CTNNA1: variants seen among roughly 807,000 people sequenced by gnomAD.
CTNNA1 encodes the protein catenin alpha-1.
In CTNNA1, 37 loss-of-function variants were observed where a neutral mutation model predicts 98.4. The observed-to-expected ratio is 0.38, with a 90% CI of 0.29 to 0.49. The LOEUF is 0.49. Ranked by LOEUF, CTNNA1 falls within the 20% of genes least tolerant of loss-of-function variation. The pLI is 0.95. For synonymous variants in CTNNA1, 404 were observed against 413.2 expected (o/e 0.98, Z 0.27); for missense variants, 761 against 1,147.2 (o/e 0.66, Z 4.86).
chr5:138,787,138 T>C (rs1755797112), intron 3 of CTNNA1, among the ~76,000 whole-genome samples: 1 of 152,188 alleles, frequency 6.6e-6, no homozygotes, highest in African/African-American at 2.4e-5. Flanking sequence ...TTTCTGATCA[T>C]AAGGGCTCTG....
intron 11 of CTNNA1, among the ~76,000 whole-genome samples, chr5:138,924,015 C>T (rs899276343): frequency 2.0e-5 from 3 of 152,252 alleles, no homozygotes; most frequent in Non-Finnish European, 4.4e-5. Flanking sequence ...ACCTGCTTTC[C>T]AGCACCTTCT....
intron 7 of CTNNA1, among the ~76,000 whole-genome samples, chr5:138,841,875 C>T (rs779815233): frequency 3.2e-4 from 48 of 152,200 alleles, no homozygotes; most frequent in Non-Finnish European, 5.1e-4. Context: ...TCAAGGCTTC[C>T]TTAAGGGCTA....
At chr5:138,851,979 A>C (rs1014161213) in intron 7 of CTNNA1, among the ~76,000 whole-genome samples, 1 of 152,076 alleles carries the variant, frequency 6.6e-6, no homozygotes, top group Non-Finnish European at 1.5e-5. Flanking sequence ...CTGAGGCAGG[A>C]GAATTGCTTG....
At chr5:138,779,356 T>C (rs1391201345) in intron 1 of CTNNA1, among the ~76,000 whole-genome samples, 1 of 152,216 alleles carries the variant, frequency 6.6e-6, no homozygotes, top group East Asian at 1.9e-4. Flanking sequence ...TATTTAATTA[T>C]TTAGTTACAG....
rs1751122278 is a variant in CTNNA1, at chr5:138,874,784, T to G, written c.1063-11428T>G. 2.0e-6 allele frequency: 2 copies of G among 979,036 alleles called. No homozygotes were observed. Among genetic ancestry groups the G allele is most frequent in the Non-Finnish European group, 3.1e-6 (2 of 638,560 alleles). The allele number at this position is 979,036 out of a possible 1,614,324, so 60.6% of individuals were successfully genotyped here. ...GTCTCTGTCATCATCGATATATGCT[T>G]TTACCTAAACCTCAAAATCCAAAAT... On this transcript the variant is annotated intron_variant, in intron 7 of 17. Transcript: ENST00000302763. This position sits in a 1 kb window ranked among gnomAD's most constrained non-coding sequence, Gnocchi z 4.1.
chr5:138,792,857 A>C (rs1169795911), intron 3 of CTNNA1, among the ~76,000 whole-genome samples: 1 of 152,240 alleles, frequency 6.6e-6, no homozygotes, highest in Non-Finnish European at 1.5e-5. Flanking sequence ...AGATTAGTAC[A>C]ATAACTTTAT....
At chr5:138,898,632 T>C (rs1484403065) in intron 9 of CTNNA1, among the ~76,000 whole-genome samples, 1 of 152,106 alleles carries the variant, frequency 6.6e-6, no homozygotes, top group Non-Finnish European at 1.5e-5. Context: ...TCCTAAAGCT[T>C]TACTACGACA....
intron 14 of CTNNA1, among the ~76,000 whole-genome samples, chr5:138,930,180 G>C (rs928301343): frequency 6.6e-6 from 1 of 152,166 alleles, no homozygotes; most frequent in African/African-American, 2.4e-5. Flanking sequence ...ATATTAATAA[G>C]AATTAAGCAG....
Position 138,873,675 on chromosome 5 carries a change from T to C in CTNNA1, c.1063-12537T>C, listed in dbSNP as rs762694769. ...GTGAGGGATCTCAGGGAGTTTAAGA[T>C]CTTGGAATCAAGGCTGTTTAACTTG... On this transcript the variant is annotated intron_variant, in intron 7 of 17. Coordinates refer to ENST00000302763, the MANE Select transcript of CTNNA1 (RefSeq NM_001903.5). This position sits in a 1 kb window ranked among gnomAD's most constrained non-coding sequence, Gnocchi z 6.1. 3.7e-6 allele frequency: 6 copies of C among 1,614,040 alleles called. No homozygotes were observed. In the East Asian group the frequency reaches 1.1e-4, roughly 30 times the overall value.
At chr5:138,871,165 G>A (rs1750556494) in intron 7 of CTNNA1, 1 of 152,126 alleles carries the variant, frequency 6.6e-6, no homozygotes, top group Admixed American at 6.5e-5. Context: ...TTGATCCTGG[G>A]AAGAAAAAAT....
chr5:138,894,128 A>G (rs1756157914), intron 9 of CTNNA1, among the ~76,000 whole-genome samples: 1 of 152,018 alleles, frequency 6.6e-6, no homozygotes, highest in Non-Finnish European at 1.5e-5. Context: ...CATGTTGGCC[A>G]GGCTGGTCTC....
chr5:138,780,213 C>T (rs927919462), intron 1 of CTNNA1, among the ~76,000 whole-genome samples: 3 of 151,612 alleles, frequency 2.0e-5, no homozygotes, highest in South Asian at 2.1e-4. Flanking sequence ...TTTTTTGAGA[C>T]GGAGTCTTGC....
Position 138,781,293 on chromosome 5 carries a change from A to G in CTNNA1, c.-2-630A>G, listed in dbSNP as rs148280381. Reference sequence around the variant, plus strand: ...TGGCCGGGTGCGGTGGCTCACGCCTATAATCCCAGCACTTTGGGAGGCCGA... The same window carrying G: ...TGGCCGGGTGCGGTGGCTCACGCCTGTAATCCCAGCACTTTGGGAGGCCGA... On this transcript the variant is annotated intron_variant, in intron 1 of 17. Coordinates refer to ENST00000302763, the MANE Select transcript of CTNNA1 (RefSeq NM_001903.5). Among the ~76,000 whole-genome samples, 217 of 152,232 alleles carry G rather than the reference A, an allele frequency of 1.4e-3. 1 individual carries two copies. Among genetic ancestry groups the G allele is most frequent in the African/African-American group, 4.7e-3 (197 of 41,550 alleles).
At chr5:138,930,761 T>A in intron 15 of CTNNA1, 69 bp from the exon 16 acceptor site, 1 of 1,522,912 alleles carries the variant, frequency 6.6e-7, no homozygotes, top group Non-Finnish European at 9.1e-7. Flanking sequence ...TTGTGGACAA[T>A]CTTCTTTTTC....
At chr5:138,777,797 A>AG (rs1754524013) in intron 1 of CTNNA1, among the ~76,000 whole-genome samples, 1 of 149,546 alleles carries the variant, frequency 6.7e-6, no homozygotes, top group Non-Finnish European at 1.5e-5. Context: ...CAGCGAGCTG[A>AG]GATGGCAGCA....
chr5:138,872,830 C>A, intron 7 of CTNNA1: 1 of 496,210 alleles, frequency 2.0e-6, no homozygotes. Context: ...ATTCATTTAA[C>A]ACTTAAAATA....
At chr5:138,792,990 A>T (rs1384583577) in intron 3 of CTNNA1, among the ~76,000 whole-genome samples, 2 of 151,402 alleles carry the variant, frequency 1.3e-5, no homozygotes, top group Non-Finnish European at 2.9e-5. Flanking sequence ...TTCTCCTCTT[A>T]TTTTTGTGGA....
intron 6 of CTNNA1, among the ~76,000 whole-genome samples, chr5:138,827,230 A>T (rs1265941414): frequency 1.5e-4 from 23 of 152,084 alleles, no homozygotes; most frequent in Admixed American, 1.5e-3. Context: ...TTACCTTTAG[A>T]TGTTCAGAAT....
intron 3 of CTNNA1, among the ~76,000 whole-genome samples, chr5:138,784,096 G>C (rs1033193533): frequency 6.6e-6 from 1 of 152,154 alleles, no homozygotes; most frequent in African/African-American, 2.4e-5. Flanking sequence ...GTAGAGATGG[G>C]GTTTCACTAG....
Sources: allele counts gnomAD v4.1 joint callset (sites outside exome capture counted in the v4.1 genomes callset), GRCh38; gene constraint gnomAD v4.1.1; non-coding constraint Gnocchi (gnomAD v3.1); transcripts MANE v1.5; gene names NCBI Gene and HGNC (gene_info 2026-07-23, HGNC 2026-07-21).